The following ZNF470 variants were observed in gnomAD, a reference collection of about 807,000 sequenced individuals.
The protein encoded by ZNF470 is chondrogenesis zinc finger protein 1.
A neutral mutation model predicts 13.9 loss-of-function variants in ZNF470; 13 were observed. That is an observed-to-expected ratio of 0.94 (90% CI 0.61 to 1.49). ZNF470 has a LOEUF of 1.49. ZNF470 is among the 40% of genes most tolerant of loss of function. The probability of loss-of-function intolerance (pLI) is 0.00; values close to 1 mark genes in which losing one functional copy is unlikely to be tolerated. For synonymous variants in ZNF470, 293 were observed against 282.9 expected (o/e 1.04, Z -0.36); for missense variants, 929 against 857.3 (o/e 1.08, Z -1.04).
Position 56,577,759 on chromosome 19 carries a change from C to T in ZNF470, c.1330C>T (p.Gln444Ter). ...FSHGSSLTVH[Q>*]RIHTGEKPYE... is the part of the protein sequence containing the mutation. Reference sequence around the variant, plus strand: ...CCATGGCTCATCTCTGACAGTACATCAGAGAATTCATACAGGAGAGAAACC... The same window carrying T: ...CCATGGCTCATCTCTGACAGTACATTAGAGAATTCATACAGGAGAGAAACC... Residue 444 changes from glutamine to a stop codon, truncating the protein, a stop_gained, in exon 6 of 6, where the codon CAG becomes TAG. Coordinates refer to ENST00000330619, the MANE Select transcript of ZNF470 (RefSeq NM_001001668.4). LOFTEE classifies it low-confidence loss of function (END_TRUNC). 1 of 1,613,876 alleles carries T rather than the reference C, an allele frequency of 6.2e-7. No individual in the cohort carries two copies. The highest frequency in any genetic ancestry group is 8.5e-7 in the Non-Finnish European group (1 of 1,179,940).
intron 3 of ZNF470, among the ~76,000 whole-genome samples, chr19:56,572,637 A>G (rs567960040): frequency 6.6e-6 from 1 of 151,410 alleles, no homozygotes; most frequent in Admixed American, 6.6e-5. Flanking sequence ...CAAGAGACTC[A>G]AAACCTGCAA....
rs1482529648 is a variant in ZNF470, at chr19:56,579,927, GTACTAA to G, written c.*1352_*1357del. On this transcript the variant is annotated 3_prime_UTR_variant, in exon 6 of 6. Coordinates refer to ENST00000330619, the MANE Select transcript of ZNF470 (RefSeq NM_001001668.4). ...GAATGTAGTTTACATTAGGAATGTAGTACTAATACTAATTGAACATTTGCTAATGTT... is the reference window on the plus strand; with the variant it reads ...GAATGTAGTTTACATTAGGAATGTAGTACTAATTGAACATTTGCTAATGTT... 2.7e-5 allele frequency: 8 copies of G among 295,182 alleles called. No homozygotes were observed. The highest frequency in any genetic ancestry group is 3.5e-5 in the Non-Finnish European group (7 of 199,400). The allele number at this position is 295,182 out of a possible 1,614,324, so 18.3% of individuals were successfully genotyped here. A position where few individuals can be genotyped will look rare whatever the true frequency, so the allele number is the denominator to read the frequency against.
Position 56,578,722 on chromosome 19 carries a change from T to C in ZNF470, c.*139T>C. On this transcript the variant is annotated 3_prime_UTR_variant, in exon 6 of 6. Coordinates refer to ENST00000330619, the MANE Select transcript of ZNF470 (RefSeq NM_001001668.4). ...GCCCCTTTTGCTTCTATCAACTACA[T>C]GTTTAACACTGTAGGCAGCCTAACC... 2 of 1,295,232 alleles carry C rather than the reference T, an allele frequency of 1.5e-6. No individual in the cohort carries two copies. The highest frequency in any genetic ancestry group is 2.0e-6 in the Non-Finnish European group (2 of 1,020,692). 80.2% of individuals were successfully genotyped at this position (1,295,232 alleles called of 1,614,324 possible). A position where few individuals can be genotyped will look rare whatever the true frequency, so the allele number is the denominator to read the frequency against.
rs753121887 is a variant in ZNF470, at chr19:56,580,078, T to G, written c.*1495T>G. ...TGCATGCTATGTGATAAGTATATGATATGTCCCATAAAGAGAAATGATATA... is the reference window on the plus strand; with the variant it reads ...TGCATGCTATGTGATAAGTATATGAGATGTCCCATAAAGAGAAATGATATA... On this transcript the variant is annotated 3_prime_UTR_variant, in exon 6 of 6. Coordinates refer to ENST00000330619, the MANE Select transcript of ZNF470 (RefSeq NM_001001668.4). 18 of 833,208 alleles carry G rather than the reference T, an allele frequency of 2.2e-5. No individual in the cohort carries two copies. The highest frequency in any genetic ancestry group is 2.2e-5 in the Non-Finnish European group (15 of 691,560). 51.6% of individuals were successfully genotyped at this position (833,208 alleles called of 1,614,324 possible). A position where few individuals can be genotyped will look rare whatever the true frequency, so the allele number is the denominator to read the frequency against.
intron 5 of ZNF470, among the ~76,000 whole-genome samples, chr19:56,575,205 C>G (rs1236867203): frequency 1.3e-5 from 2 of 151,894 alleles, no homozygotes; most frequent in Non-Finnish European, 2.9e-5. Flanking sequence ...TTTTCTCACT[C>G]TCTTCTTTAT....
Position 56,579,222 on chromosome 19 carries a change from G to A in ZNF470, c.*639G>A, listed in dbSNP as rs1022715672. ...AGATTGCTTGAGCTCAGGAGTTCGA[G>A]ACCAACCTGAGCAACATGGTGAAAC... On this transcript the variant is annotated 3_prime_UTR_variant, in exon 6 of 6. Coordinates refer to ENST00000330619, the MANE Select transcript of ZNF470 (RefSeq NM_001001668.4). The A allele has an allele frequency of 1.2e-6, 1 of 852,244 alleles. No homozygotes were observed. Among genetic ancestry groups the A allele is most frequent in the Non-Finnish European group, 1.4e-6 (1 of 708,844 alleles). 52.8% of individuals were successfully genotyped at this position (852,244 alleles called of 1,614,324 possible).
Position 56,578,594 on chromosome 19 carries a change from G to A in ZNF470, c.*11G>A, listed in dbSNP as rs764216339. The A allele has an allele frequency of 2.4e-5, 36 of 1,500,080 alleles. No homozygotes were observed. In the Middle Eastern group the frequency reaches 5.3e-4, roughly 22 times the overall value. The allele number at this position is 1,500,080 out of a possible 1,614,324, so 92.9% of individuals were successfully genotyped here. A position where few individuals can be genotyped will look rare whatever the true frequency, so the allele number is the denominator to read the frequency against. The stretch of plus-strand genomic sequence containing the variant: ...CACCAAGTCCTATAGATTCAATCTC[G>A]TAAATGCTTCTAGCATCCATCTGCT... On this transcript the variant is annotated 3_prime_UTR_variant, in exon 6 of 6. Coordinates refer to ENST00000330619, the MANE Select transcript of ZNF470 (RefSeq NM_001001668.4).
Position 56,579,872 on chromosome 19 carries a change from GATC to G in ZNF470, c.*1293_*1295del. ...TTTTTTTAGTTGAGAAGCTGATTCTGATCATCTGTAGAATTTTGATTTTAACGA... is the reference window on the plus strand; with the variant it reads ...TTTTTTTAGTTGAGAAGCTGATTCTGATCTGTAGAATTTTGATTTTAACGA... On this transcript the variant is annotated 3_prime_UTR_variant, in exon 6 of 6. Coordinates refer to ENST00000330619, the MANE Select transcript of ZNF470 (RefSeq NM_001001668.4). 1.9e-6 allele frequency: 1 copy of G among 518,430 alleles called. No homozygotes were observed. The highest frequency in any genetic ancestry group is 2.5e-6 in the Non-Finnish European group (1 of 403,672). 32.1% of individuals were successfully genotyped at this position (518,430 alleles called of 1,614,324 possible).
rs768735461 is a variant in ZNF470 at position 56,577,511 on chromosome 19, T to A, written c.1082T>A (p.Ile361Asn). 1 of 1,613,574 alleles carries A rather than the reference T, an allele frequency of 6.2e-7. No individual in the cohort carries two copies. Among genetic ancestry groups the A allele is most frequent in the East Asian group, 2.2e-5 (1 of 44,862 alleles). ...DCSSLAHHRR[I>N]HTGKRPYECI... Reference sequence around the variant, plus strand: ...TCATCCCTAGCTCATCATCGAAGGATTCACACTGGGAAAAGACCTTATGAA... The same window carrying A: ...TCATCCCTAGCTCATCATCGAAGGAATCACACTGGGAAAAGACCTTATGAA... The change falls in exon 6 of 6, where the codon ATT becomes AAT. Residue 361 changes from isoleucine to asparagine, a missense_variant. Coordinates refer to ENST00000330619, the MANE Select transcript of ZNF470 (RefSeq NM_001001668.4).
rs987271741 is a variant in ZNF470 at position 56,580,856 on chromosome 19, A to AG, written c.*2275dup. Reference sequence around the variant, plus strand: ...AGGATTTTTCATTGTAGTGGGGAAAAGGTGGTTTGATCAAATGGCATTGGG... The same window carrying AG: ...AGGATTTTTCATTGTAGTGGGGAAAAGGGTGGTTTGATCAAATGGCATTGGG... On this transcript the variant is annotated 3_prime_UTR_variant, in exon 6 of 6. Transcript: ENST00000330619. 1.8e-4 allele frequency: 177 copies of AG among 985,278 alleles called. 1 individual carries two copies. In the African/African-American group the frequency reaches 2.9e-3, roughly 16 times the overall value. The allele number at this position is 985,278 out of a possible 1,614,324, so 61.0% of individuals were successfully genotyped here. A position where few individuals can be genotyped will look rare whatever the true frequency, so the allele number is the denominator to read the frequency against.
At position 56,578,736 on chromosome 19, in the gene ZNF470, G is replaced by T; in HGVS notation, c.*153G>T. On this transcript the variant is annotated 3_prime_UTR_variant, in exon 6 of 6. Transcript: ENST00000330619. Reference sequence around the variant, plus strand: ...TATCAACTACATGTTTAACACTGTAGGCAGCCTAACCTTTTAAAAATAAAA... The same window carrying T: ...TATCAACTACATGTTTAACACTGTATGCAGCCTAACCTTTTAAAAATAAAA... The T allele has an allele frequency of 7.9e-7, 1 of 1,269,082 alleles. No individual in the cohort carries two copies. The highest frequency in any genetic ancestry group is 9.9e-7 in the Non-Finnish European group (1 of 1,006,296). The allele number at this position is 1,269,082 out of a possible 1,614,324, so 78.6% of individuals were successfully genotyped here.
chr19:56,578,547 T>C lies in ZNF470; in HGVS notation c.2118T>C (p.Ile706=). ...TTCATACCGGAGAGTCATCAGTTAT[T>C]CTCTCCTCTGCCCTCCCATACCACC... ...QRIHTGESSV[I]LSSALPYHQV... is the part of the protein sequence containing the mutation. The change falls in exon 6 of 6, where the codon ATT becomes ATC. Residue 706 remains isoleucine, a synonymous_variant. Transcript: ENST00000330619. 1.3e-6 allele frequency: 2 copies of C among 1,574,456 alleles called. No individual in the cohort carries two copies. Among genetic ancestry groups the C allele is most frequent in the Non-Finnish European group, 1.7e-6 (2 of 1,160,234 alleles).
rs74269125 is a variant in ZNF470, at chr19:56,575,452, ATT to A, written c.283+736_283+737del. The stretch of plus-strand genomic sequence containing the variant: ...TTTTTGACGCAGGGTATTTCATTCA[ATT>A]TTTTTTTTTTTTTTTTAATTTTCTT... On this transcript the variant is annotated intron_variant, in intron 5 of 5. Transcript: ENST00000330619. Among the ~76,000 whole-genome samples, 1,001 of 138,026 alleles carry A rather than the reference ATT, an allele frequency of 7.3e-3. 15 individuals carry two copies. The highest frequency in any genetic ancestry group is 0.024 in the African/African-American group (887 of 37,354). 90.6% of individuals were successfully genotyped at this position (138,026 alleles called of 152,430 possible). A position where few individuals can be genotyped will look rare whatever the true frequency, so the allele number is the denominator to read the frequency against.
chr19:56,574,130 T>C (rs2044472816), intron 3 of ZNF470: 1 of 304,844 alleles, frequency 3.3e-6, no homozygotes, highest in Non-Finnish European at 4.8e-6. Context: ...CATTTTTTCA[T>C]TGGTAATGTA....
Position 56,578,075 on chromosome 19 carries a change from T to C in ZNF470, c.1646T>C (p.Ile549Thr), listed in dbSNP as rs765963429. 4 of 1,613,578 alleles carry C rather than the reference T, an allele frequency of 2.5e-6. No homozygotes were observed. The Admixed American group carries it at 6.7e-5, about 27-fold the overall frequency. Residue 549 changes from isoleucine (I) to threonine (T), a missense_variant, in exon 6 of 6, where the codon ATT becomes ACT. By Grantham distance (89) the Ile-to-Thr change is moderately conservative. Coordinates refer to ENST00000330619, the MANE Select transcript of ZNF470 (RefSeq NM_001001668.4). Reference protein sequence around the residue: ...CKECGKAFSQIAHLVQHQRVH... With the variant: ...CKECGKAFSQTAHLVQHQRVH... Reference sequence around the variant, plus strand: ...GAATGTGGTAAGGCCTTCAGTCAGATTGCACACCTTGTTCAGCACCAGAGA... The same window carrying C: ...GAATGTGGTAAGGCCTTCAGTCAGACTGCACACCTTGTTCAGCACCAGAGA...
chr19:56,581,936 T>C lies in ZNF470; in HGVS notation c.*3353T>C. On this transcript the variant is annotated 3_prime_UTR_variant, in exon 6 of 6. Coordinates refer to ENST00000330619, the MANE Select transcript of ZNF470 (RefSeq NM_001001668.4). The stretch of plus-strand genomic sequence containing the variant: ...TGGAACCACCCTGGTTTTTGTACTT[T>C]CCAAGTCTGTGATTCCTCAAACTAC... 1 of 985,458 alleles carries C rather than the reference T, an allele frequency of 1.0e-6. No homozygotes were observed. Among genetic ancestry groups the C allele is most frequent in the Non-Finnish European group, 1.2e-6 (1 of 829,940 alleles). 61.0% of individuals were successfully genotyped at this position (985,458 alleles called of 1,614,324 possible). A position where few individuals can be genotyped will look rare whatever the true frequency, so the allele number is the denominator to read the frequency against.
Position 56,577,592 on chromosome 19 carries a change from G to C in ZNF470, c.1163G>C (p.Arg388Pro). The C allele has an allele frequency of 6.2e-7, 1 of 1,613,926 alleles. No individual in the cohort carries two copies. Reference protein sequence around the residue: ...RQNASLIRHRRYYHTGEKPFD... With the variant: ...RQNASLIRHRPYYHTGEKPFD... ...AATGCTTCTCTTATACGTCATCGGC[G>C]ATATTATCATACTGGAGAGAAACCC... Residue 388 changes from arginine (R) to proline (P), a missense_variant, in exon 6 of 6, where the codon CGA becomes CCA. By Grantham distance (103) the Arg-to-Pro change is moderately radical (BLOSUM62 -2). Transcript: ENST00000330619.
intron 1 of ZNF470, among the ~76,000 whole-genome samples, chr19:56,568,338 G>A (rs1357647908): frequency 6.6e-6 from 1 of 152,138 alleles, no homozygotes; most frequent in South Asian, 2.1e-4. Context: ...TTACTTCTGG[G>A]TACTCTGCTG....
In ZNF470 at chr19:56,578,028, G is replaced by T; in HGVS notation, c.1599G>T (p.Gly533=). Residue 533 remains glycine, a synonymous_variant, in exon 6 of 6, where the codon GGG becomes GGT. Transcript: ENST00000330619. The part of the protein sequence containing the change: ...HLAQHQKIHT[G]EKPYECKECG... Reference sequence around the variant, plus strand: ...CGCAACATCAGAAAATACACACTGGGGAGAAACCTTATGAATGTAAGGAAT... The same window carrying T: ...CGCAACATCAGAAAATACACACTGGTGAGAAACCTTATGAATGTAAGGAAT... 1.2e-6 allele frequency: 2 copies of T among 1,613,016 alleles called. No individual in the cohort carries two copies. Among genetic ancestry groups the T allele is most frequent in the Non-Finnish European group, 1.7e-6 (2 of 1,179,422 alleles).
Sources: allele counts gnomAD v4.1 joint callset (sites outside exome capture counted in the v4.1 genomes callset), GRCh38; gene constraint gnomAD v4.1.1; transcripts MANE v1.5; gene names NCBI Gene and HGNC (gene_info 2026-07-23, HGNC 2026-07-21).